Variants in AKT3 observed in about 807,000 individuals in gnomAD.
The protein encoded by AKT3 is AKT serine/threonine kinase 3.
AKT3 carries 15 observed loss-of-function variants against 65.3 expected under a neutral mutation model. The ratio of observed to expected loss-of-function variants is 0.23; its 90% CI spans 0.15 to 0.35. AKT3 has a LOEUF of 0.35. Among genes scored for constraint, AKT3 ranks in the 10% least tolerant of loss-of-function variants. AKT3 has a pLI of 1.00. For missense variants in AKT3, 243 were observed against 576.5 expected (o/e 0.42, Z 5.92); for synonymous variants, 206 against 183.8 (o/e 1.12, Z -0.98).
At chr1:243,677,162 T>C (rs1004422787) in intron 3 of AKT3, among the ~76,000 whole-genome samples, 1 of 152,224 alleles carries the variant, frequency 6.6e-6, no homozygotes, top group Non-Finnish European at 1.5e-5. Flanking sequence ...ACTTCAGGAT[T>C]TAACAACTCA....
intron 2 of AKT3, among the ~76,000 whole-genome samples, chr1:243,768,495 A>G (rs1689967984): frequency 6.6e-6 from 1 of 152,150 alleles, no homozygotes; most frequent in African/African-American, 2.4e-5. Flanking sequence ...ACCCTTCTCT[A>G]TCCCTATCAA....
At chr1:243,561,811 C>A (rs569591904) in intron 10 of AKT3, among the ~76,000 whole-genome samples, 1 of 152,148 alleles carries the variant, frequency 6.6e-6, no homozygotes, top group Non-Finnish European at 1.5e-5. Context: ...CCATCACTTT[C>A]GCTGAACATA....
intron 2 of AKT3, among the ~76,000 whole-genome samples, chr1:243,812,283 G>T (rs1169458333): frequency 1.3e-5 from 2 of 151,960 alleles, no homozygotes; most frequent in Non-Finnish European, 2.9e-5. Flanking sequence ...TCTGACAAAG[G>T]GTTAATATCC....
At chr1:243,832,849 G>C (rs564451841) in intron 2 of AKT3, among the ~76,000 whole-genome samples, 5 of 152,268 alleles carry the variant, frequency 3.3e-5, no homozygotes, top group South Asian at 2.1e-4. Flanking sequence ...TCTAAACATA[G>C]AAAAGGTACA....
chr1:243,628,407 C>A lies in AKT3; in HGVS notation c.561+9204G>T, dbSNP rs1374418590. ...CTTGACCTCCCAGGCTCAAGCAATC[C>A]CGCATCTCAGCCAAATGAGTAGCTG... On this transcript the variant is annotated intron_variant, in intron 6 of 13. Transcript: ENST00000673466. Among the ~76,000 whole-genome samples, 5 of 152,156 alleles carry A rather than the reference C, an allele frequency of 3.3e-5. No individual in the cohort carries two copies. In the South Asian group the frequency reaches 1.0e-3, roughly 32 times the overall value.
chr1:243,798,618 C>G (rs1256216330), intron 2 of AKT3, among the ~76,000 whole-genome samples: 1 of 151,984 alleles, frequency 6.6e-6, no homozygotes, highest in African/African-American at 2.4e-5. Context: ...CTTTCCATCT[C>G]ACCTGGACAA....
At chr1:243,753,463 G>T (rs1688935164) in intron 2 of AKT3, among the ~76,000 whole-genome samples, 1 of 151,964 alleles carries the variant, frequency 6.6e-6, no homozygotes, top group Non-Finnish European at 1.5e-5. Context: ...CCTAAAAATT[G>T]AAAGAGAAAC....
At chr1:243,810,264 T>C (rs530549870) in intron 2 of AKT3, among the ~76,000 whole-genome samples, 37 of 151,928 alleles carry the variant, frequency 2.4e-4, no homozygotes, top group African/African-American at 8.5e-4. Context: ...ATCAACAAAA[T>C]TGTTAGACCA....
intron 2 of AKT3, among the ~76,000 whole-genome samples, chr1:243,730,337 C>G (rs968908631): frequency 6.6e-6 from 1 of 152,196 alleles, no homozygotes; most frequent in Non-Finnish European, 1.5e-5. Flanking sequence ...AAAACTTCTC[C>G]ACCTTGCTCA....
intron 13 of AKT3, among the ~76,000 whole-genome samples, chr1:243,506,416 C>T (rs2148348278): frequency 6.6e-6 from 1 of 152,352 alleles, no homozygotes; most frequent in Non-Finnish European, 1.5e-5. Flanking sequence ...AATATTCTAA[C>T]CTCTCCAGGG....
chr1:243,546,344 AGT>A (rs1672677454), intron 11 of AKT3, among the ~76,000 whole-genome samples: 1 of 152,182 alleles, frequency 6.6e-6, no homozygotes, highest in Non-Finnish European at 1.5e-5. Flanking sequence ...AAGAAATTTC[AGT>A]GTTTTCTGGC....
chr1:243,529,793 G>T (rs996551867), intron 12 of AKT3, among the ~76,000 whole-genome samples: 2 of 152,022 alleles, frequency 1.3e-5, no homozygotes, highest in African/African-American at 4.8e-5. Context: ...GGGTCCACAT[G>T]GATTTAAAAA....
At chr1:243,659,623 A>C (rs1375882459) in intron 4 of AKT3, among the ~76,000 whole-genome samples, 1 of 152,220 alleles carries the variant, frequency 6.6e-6, no homozygotes, top group Non-Finnish European at 1.5e-5. Context: ...TGTGTTATCC[A>C]CAATCAGTGA....
At chr1:243,646,108 T>C in intron 4 of AKT3, 71 bp from the exon 5 acceptor site, 1 of 1,307,576 alleles carries the variant, frequency 7.6e-7, no homozygotes, top group South Asian at 1.5e-5. Context: ...TTTTATAAAC[T>C]ATGAAATCAA....
intron 2 of AKT3, among the ~76,000 whole-genome samples, chr1:243,736,140 C>G (rs1359334536): frequency 6.6e-6 from 1 of 152,164 alleles, no homozygotes; most frequent in Non-Finnish European, 1.5e-5. Context: ...AATCCTGGCT[C>G]TGCCACTTAT....
At chr1:243,537,004 C>T (rs74991710) in intron 12 of AKT3, among the ~76,000 whole-genome samples, 2 of 152,088 alleles carry the variant, frequency 1.3e-5, no homozygotes, top group South Asian at 2.1e-4. Context: ...TTAACCTCTG[C>T]GTAACTGCCA....
chr1:243,626,712 G>A (rs1679193075), intron 6 of AKT3, among the ~76,000 whole-genome samples: 1 of 152,208 alleles, frequency 6.6e-6, no homozygotes, highest in Admixed American at 6.5e-5. Context: ...TAAAATCCTA[G>A]CAGAGGCAAT....
intron 2 of AKT3, among the ~76,000 whole-genome samples, chr1:243,797,934 G>A (rs987398877): frequency 1.3e-5 from 2 of 148,394 alleles, no homozygotes; most frequent in South Asian, 2.1e-4. Context: ...CCAGGCTGGA[G>A]TGCAGTGGTG....
chr1:243,552,659 GAATT>G, intron 11 of AKT3, 66 bp downstream of exon 11: 3 of 1,387,602 alleles, frequency 2.2e-6, no homozygotes, highest in Non-Finnish European at 3.1e-6. Flanking sequence ...AGTTATATTT[GAATT>G]AATTTCCATA....
Sources: gnomAD v4.1 joint callset for allele counts (sites outside exome capture counted in the v4.1 genomes callset) on GRCh38, gnomAD v4.1.1 for gene constraint, MANE v1.5 for transcripts, NCBI Gene and HGNC (gene_info 2026-07-23, HGNC 2026-07-21) for gene names.